The following PLG variants were observed in gnomAD, a reference collection of about 807,000 sequenced individuals.
PLG encodes the protein plasmin.
In PLG, 41 loss-of-function variants were observed where a neutral mutation model predicts 104.4. The ratio of observed to expected loss-of-function variants is 0.39; its 90% confidence interval spans 0.31 to 0.51. PLG has a LOEUF of 0.51. Among genes scored for constraint, PLG ranks in the 20% least tolerant of loss-of-function variants. The pLI, the probability that PLG is intolerant of heterozygous loss-of-function variation, is 0.76. For synonymous variants in PLG, 337 were observed against 357.1 expected (o/e 0.94, Z 0.63); for missense variants, 891 against 1,003.6 (o/e 0.89, Z 1.52).
At chr6:160,713,818 A>G (rs953516125) in intron 5 of PLG, among the ~76,000 whole-genome samples, 6 of 152,212 alleles carry the variant, frequency 3.9e-5, no homozygotes, top group African/African-American at 1.2e-4. Flanking sequence ...TCAGCAATCC[A>G]TTATTTGAAT....
intron 7 of PLG, among the ~76,000 whole-genome samples, chr6:160,717,236 G>A (rs1296497351): frequency 2.0e-5 from 3 of 152,180 alleles, no homozygotes; most frequent in Admixed American, 6.5e-5. Flanking sequence ...AGTTCAAGAG[G>A]AGAAGATGAA....
At chr6:160,702,796 G>A (rs545574483) in intron 1 of PLG, among the ~76,000 whole-genome samples, 5 of 152,162 alleles carry the variant, frequency 3.3e-5, no homozygotes, top group Admixed American at 1.3e-4. Context: ...TCATGGTGGC[G>A]GCAGGGTCGG....
In PLG at chr6:160,707,716, A is replaced by T. The variant is rs754051719; in HGVS notation, c.202A>T (p.Ser68Cys). 6.2e-7 allele frequency: 1 copy of T among 1,610,856 alleles called. No homozygotes were observed. The highest frequency in any genetic ancestry group is 1.1e-5 in the South Asian group (1 of 90,960). ...GTTCTGCAGGGCATTCCAATATCAC[A>T]GTAAAGAGCAACAATGTGTGATAAT... The part of the protein sequence containing the change: ...EFTCRAFQYH[S>C]KEQQCVIMAE... Residue 68 changes from serine (S) to cysteine (C), a missense_variant, in exon 3 of 19, where the codon AGT becomes TGT. Around this residue, in one of 2 missense-constraint regions of PLG, gnomAD observed 854 missense variants for 932.1 expected, o/e 0.92. Coordinates refer to ENST00000308192, the MANE Select transcript of PLG (RefSeq NM_000301.5).
At position 160,734,261 on chromosome 6, in the gene PLG, T is replaced by A. The variant is rs1347556007; in HGVS notation, c.1681+173T>A. On this transcript the variant is annotated intron_variant, in intron 13 of 18. Coordinates refer to ENST00000308192, the MANE Select transcript of PLG (RefSeq NM_000301.5). The surrounding 1 kb of genome is among the most constrained non-coding windows in gnomAD (Gnocchi z 4.4). ...TCTGCCCTACTATTGGCCACATTTG[T>A]TAGAGGAACACCTGCCCATCGCCCC... Among the ~76,000 whole-genome samples, 1 of 152,116 alleles carries A rather than the reference T, an allele frequency of 6.6e-6. No homozygotes were observed. The highest frequency in any genetic ancestry group is 1.5e-5 in the Non-Finnish European group (1 of 68,010).
At chr6:160,715,916 G>A (rs1299679123) in intron 6 of PLG, among the ~76,000 whole-genome samples, 1 of 152,244 alleles carries the variant, frequency 6.6e-6, no homozygotes, top group Non-Finnish European at 1.5e-5. Context: ...GAGAGGGAAT[G>A]AATAAACGCA....
intron 1 of PLG, among the ~76,000 whole-genome samples, chr6:160,703,282 C>T (rs115496309): frequency 0.021 from 2,840 of 135,082 alleles, 90 homozygotes; most frequent in Middle Eastern, 0.18. Flanking sequence ...AAAAAAAAAG[C>T]TTTATTGAGA....
intron 10 of PLG, among the ~76,000 whole-genome samples, chr6:160,727,173 C>A (rs1056816914): frequency 3.3e-5 from 5 of 151,270 alleles, no homozygotes; most frequent in Admixed American, 2.0e-4. Flanking sequence ...AATTCAATAA[C>A]CTAGATAATA....
rs1777993777 is a variant in PLG, at chr6:160,731,186, T to C, written c.1392T>C (p.Pro464=). 1 of 1,613,972 alleles carries C rather than the reference T, an allele frequency of 6.2e-7. No homozygotes were observed. The highest frequency in any genetic ancestry group is 8.5e-7 in the Non-Finnish European group (1 of 1,179,988). Residue 464 remains proline (P), a synonymous_variant, in exon 11 of 19, where the codon CCT becomes CCC. Coordinates refer to ENST00000308192, the MANE Select transcript of PLG (RefSeq NM_000301.5). This position sits in a 1 kb window ranked among gnomAD's most constrained non-coding sequence, Gnocchi z 5.1. ...CSGTEASVVA[P]PPVVLLPDVE... ...GAACAGAAGCGAGTGTTGTAGCACC[T>C]CCGCCTGTTGTCCTGCTTCCAGATG...
rs762898986 is a variant in PLG at position 160,739,031 on chromosome 6, G to C, written c.1878-37G>C. On this transcript the variant is annotated intron_variant, in intron 15 of 18. Coordinates refer to ENST00000308192, the MANE Select transcript of PLG (RefSeq NM_000301.5). The surrounding 1 kb of genome is among the most constrained non-coding windows in gnomAD (Gnocchi z 4.4). ...GCACAGAGGTTACCTGAAGGGGCTG[G>C]ACCATATTTTCCTCTTGACGTCCTC... The C allele has an allele frequency of 6.2e-7, 1 of 1,613,366 alleles. No individual in the cohort carries two copies.
At chr6:160,727,464 A>C (rs73784942) in intron 10 of PLG, among the ~76,000 whole-genome samples, 14,201 of 151,052 alleles carry the variant, frequency 0.094, 1,796 homozygotes, top group African/African-American at 0.28. Flanking sequence ...AAAAAAAAAA[A>C]CCCTAGTTGT....
Position 160,734,148 on chromosome 6 carries a change from A to C in PLG, c.1681+60A>C. The stretch of plus-strand genomic sequence containing the variant: ...ACTTAATATGGATTTGCAACAAAAA[A>C]GGAAAAGGGCTTCTGAGCAGACTGC... On this transcript the variant is annotated intron_variant, in intron 13 of 18. Transcript: ENST00000308192. This position sits in a 1 kb window ranked among gnomAD's most constrained non-coding sequence, Gnocchi z 4.4. The C allele has an allele frequency of 1.0e-6, 1 of 963,996 alleles. No homozygotes were observed. The allele number at this position is 963,996 out of a possible 1,614,324, so 59.7% of individuals were successfully genotyped here.
At chr6:160,711,645 G>A in intron 4 of PLG, 1 of 1,610,588 alleles carries the variant, frequency 6.2e-7, no homozygotes, top group Non-Finnish European at 8.5e-7. Context: ...GAACATGGTT[G>A]CTTTCTATTT....
At chr6:160,747,143 A>G (rs571349770) in intron 17 of PLG, among the ~76,000 whole-genome samples, 3 of 152,328 alleles carry the variant, frequency 2.0e-5, no homozygotes, top group South Asian at 4.1e-4. Flanking sequence ...AAATACCCAC[A>G]TGTCTAATGT....
rs3057066 is a variant in PLG at position 160,720,410 on chromosome 6, C to CTTTTTTTTTTTTTTTTTTTTT, written c.1096+1579_1096+1599dup. ...TCTTTTCTCTTTTTTCTTTTCTTTT[C>CTTTTTTTTTTTTTTTTTTTTT]TTTTTTTTTTTTTTTTTTTTTTTTT... On this transcript the variant is annotated intron_variant, in intron 9 of 18. Coordinates refer to ENST00000308192, the MANE Select transcript of PLG (RefSeq NM_000301.5). Among the ~76,000 whole-genome samples the CTTTTTTTTTTTTTTTTTTTTT allele has an allele frequency of 7.1e-3, 416 of 58,532 alleles. 85 individuals are homozygous for CTTTTTTTTTTTTTTTTTTTTT. Among genetic ancestry groups the CTTTTTTTTTTTTTTTTTTTTT allele is most frequent in the Non-Finnish European group, 7.8e-3 (277 of 35,314 alleles). 38.4% of individuals were successfully genotyped at this position (58,532 alleles called of 152,430 possible). A position where few individuals can be genotyped will look rare whatever the true frequency, so the allele number is the denominator to read the frequency against.
rs1226170032 is a variant in PLG at position 160,724,842 on chromosome 6, TTCTAGAAA to T, written c.1256+2280_1256+2287del. ...TACTAGGCTTATATAATAAAAGATG[TTCTAGAAA>T]TCTATTTTGGTAGAAGAAAAATAGT... On this transcript the variant is annotated intron_variant, in intron 10 of 18. Transcript: ENST00000308192. The surrounding 1 kb of genome is among the most constrained non-coding windows in gnomAD (Gnocchi z 5.0). Among the ~76,000 whole-genome samples, 1 of 152,200 alleles carries T rather than the reference TTCTAGAAA, an allele frequency of 6.6e-6. No homozygotes were observed. The highest frequency in any genetic ancestry group is 1.5e-5 in the Non-Finnish European group (1 of 68,036).
intron 17 of PLG, among the ~76,000 whole-genome samples, chr6:160,746,732 C>A (rs1778283123): frequency 6.6e-6 from 1 of 152,230 alleles, no homozygotes; most frequent in African/African-American, 2.4e-5. Flanking sequence ...CCTTTAACTG[C>A]AGTGTAGGTT....
intron 17 of PLG, among the ~76,000 whole-genome samples, chr6:160,742,279 T>C (rs1490391612): frequency 6.6e-6 from 1 of 152,140 alleles, no homozygotes; most frequent in Non-Finnish European, 1.5e-5. Context: ...TCCCACCAGC[T>C]GTTAGTGTTC....
rs771821751 is a variant in PLG at position 160,706,534 on chromosome 6, C to T, written c.177C>T (p.Phe59=). ...CAAAATGTGAGGAGGACGAAGAATT[C>T]ACCTGCAGGTATTTCCATTGTCGTT... is the stretch of plus-strand genomic sequence containing the variant. ...CAAKCEEDEE[F]TCRAFQYHSK... Residue 59 remains phenylalanine, a synonymous_variant, in exon 2 of 19, where the codon TTC becomes TTT. Transcript: ENST00000308192. 1.2e-6 allele frequency: 2 copies of T among 1,613,698 alleles called. No individual in the cohort carries two copies. The highest frequency in any genetic ancestry group is 1.3e-5 in the African/African-American group (1 of 75,038).
chr6:160,738,477 G>T lies in PLG; in HGVS notation c.1803-61G>T, dbSNP rs1440431102. On this transcript the variant is annotated intron_variant, in intron 14 of 18. Transcript: ENST00000308192. This position sits in a 1 kb window ranked among gnomAD's most constrained non-coding sequence, Gnocchi z 6.8. ...AGTGAACGTGTCTTTCTGGCTTTCT[G>T]TACAATGGAGCAGAACAAAGTATCA... The T allele has an allele frequency of 9.8e-7, 1 of 1,024,286 alleles. No individual in the cohort carries two copies. The highest frequency in any genetic ancestry group is 1.6e-5 in the African/African-American group (1 of 63,570). 63.4% of individuals were successfully genotyped at this position (1,024,286 alleles called of 1,614,324 possible).
Sources: allele counts gnomAD v4.1 joint callset (sites outside exome capture counted in the v4.1 genomes callset), GRCh38; gene constraint gnomAD v4.1.1; regional missense constraint gnomAD v4.1.1; non-coding constraint Gnocchi (gnomAD v3.1); transcripts MANE v1.5; gene names NCBI Gene and HGNC (gene_info 2026-07-23, HGNC 2026-07-21).